Variants in PTCSC3 observed in about 807,000 individuals in gnomAD.
The protein encoded by PTCSC3 is papillary thyroid carcinoma susceptibility candidate 3 (non-protein coding).
At chr14:36,160,993 CT>C (rs200498375) in intron 2 of PTCSC3, among the ~76,000 whole-genome samples, 1,788 of 152,178 alleles carry the variant, frequency 0.012, 15 homozygotes, top group Middle Eastern at 0.017. Context: ...TCTGTGATAT[CT>C]TTCTTCCACT....
intron 2 of PTCSC3, among the ~76,000 whole-genome samples, chr14:36,158,866 G>A (rs1881885898): frequency 2.0e-5 from 3 of 152,170 alleles, no homozygotes; most frequent in Admixed American, 6.5e-5. Context: ...GAATTTGGCT[G>A]TGAATCCATC....
intron 3 of PTCSC3, among the ~76,000 whole-genome samples, chr14:36,145,353 A>C (rs953812776): frequency 6.6e-6 from 1 of 151,484 alleles, no homozygotes; most frequent in Non-Finnish European, 1.5e-5. Flanking sequence ...TTATTGGTCT[A>C]TTCAGAGATT....
intron 2 of PTCSC3, among the ~76,000 whole-genome samples, chr14:36,162,288 C>G (rs1272116055): frequency 1.6e-5 from 2 of 125,100 alleles, no homozygotes; most frequent in Non-Finnish European, 3.3e-5. Context: ...AAAAAAAACT[C>G]CTGCAGCCAG....
intron 3 of PTCSC3, among the ~76,000 whole-genome samples, chr14:36,147,372 T>C: frequency 6.6e-6 from 1 of 152,178 alleles, no homozygotes; most frequent in Non-Finnish European, 1.5e-5. Flanking sequence ...CTTTTTATTC[T>C]TTTTTCTCTA....
At chr14:36,156,776 G>A (rs922797509) in intron 2 of PTCSC3, among the ~76,000 whole-genome samples, 9 of 152,138 alleles carry the variant, frequency 5.9e-5, no homozygotes, top group Non-Finnish European at 1.2e-4. Context: ...GTATTCCATG[G>A]TGTATATGTG....
intron 1 of PTCSC3, among the ~76,000 whole-genome samples, chr14:36,174,300 G>C (rs1345136410): frequency 6.6e-6 from 1 of 151,952 alleles, no homozygotes; most frequent in Non-Finnish European, 1.5e-5. Context: ...ATGTCTATTG[G>C]TTTGTATCTA....
At chr14:36,155,915 A>C (rs1881815896) in intron 2 of PTCSC3, among the ~76,000 whole-genome samples, 1 of 152,238 alleles carries the variant, frequency 6.6e-6, no homozygotes, top group Non-Finnish European at 1.5e-5. Flanking sequence ...TCATTCAATA[A>C]TATAGACTGG....
chr14:36,155,080 G>A (rs1356296354), intron 2 of PTCSC3, among the ~76,000 whole-genome samples: 1 of 152,036 alleles, frequency 6.6e-6, no homozygotes, highest in Non-Finnish European at 1.5e-5. Context: ...TCAGGAAAAA[G>A]GCACAACTTC....
At chr14:36,135,419 T>A (rs1323830784), downstream of PTCSC3, among the ~76,000 whole-genome samples, 1 of 152,196 alleles carries the variant, frequency 6.6e-6, no homozygotes. Flanking sequence ...ATTTGTTGAG[T>A]GGCCTTAGGC....
At chr14:36,141,333 C>T (rs1881415976) in intron 3 of PTCSC3, among the ~76,000 whole-genome samples, 1 of 152,086 alleles carries the variant, frequency 6.6e-6, no homozygotes, top group Admixed American at 6.6e-5. Flanking sequence ...GGATAACTGA[C>T]ATCTTGACAA....
At chr14:36,155,303 C>G (rs1444167844) in intron 2 of PTCSC3, among the ~76,000 whole-genome samples, 1 of 151,972 alleles carries the variant, frequency 6.6e-6, no homozygotes, top group Non-Finnish European at 1.5e-5. Context: ...GTCTTAATAA[C>G]AATTTTGAGG....
chr14:36,139,626 T>G (rs1392884662), intron 3 of PTCSC3, among the ~76,000 whole-genome samples: 2 of 152,182 alleles, frequency 1.3e-5, no homozygotes, highest in African/African-American at 2.4e-5. Context: ...TTATGGTCCT[T>G]AGTTTAGAAC....
intron 1 of PTCSC3, among the ~76,000 whole-genome samples, chr14:36,171,368 C>T (rs1021737665): frequency 1.3e-5 from 2 of 152,052 alleles, no homozygotes; most frequent in Non-Finnish European, 2.9e-5. Context: ...TCCTACTTTT[C>T]AGCAGTGGCA....
At chr14:36,151,798 A>G (rs1481950081) in intron 3 of PTCSC3, among the ~76,000 whole-genome samples, 1 of 152,172 alleles carries the variant, frequency 6.6e-6, no homozygotes, top group Non-Finnish European at 1.5e-5. Flanking sequence ...CAGAATGAAG[A>G]CCAGAATGCT....
At chr14:36,165,775 A>G (rs960328923) in intron 1 of PTCSC3, among the ~76,000 whole-genome samples, 2 of 139,314 alleles carry the variant, frequency 1.4e-5, no homozygotes, top group African/African-American at 5.4e-5. Context: ...TATCTGCTTC[A>G]GGACGATAAT....
At chr14:36,163,749 G>A (rs1429723127) in intron 1 of PTCSC3, among the ~76,000 whole-genome samples, 1 of 152,086 alleles carries the variant, frequency 6.6e-6, no homozygotes, top group African/African-American at 2.4e-5. Context: ...AAATAGAACG[G>A]CACGAATCCT....
At chr14:36,142,772 G>A (rs1881455234) in intron 3 of PTCSC3, among the ~76,000 whole-genome samples, 1 of 149,308 alleles carries the variant, frequency 6.7e-6, no homozygotes, top group African/African-American at 2.5e-5. Flanking sequence ...TCATCATCTA[G>A]CATTAGGTAT....
chr14:36,152,040 CTTG>C (rs201656840), intron 3 of PTCSC3, among the ~76,000 whole-genome samples: 2,778 of 148,118 alleles, frequency 0.019, 92 homozygotes, highest in African/African-American at 0.066. Context: ...TTTCAGCCCT[CTTG>C]TTGTGAGGAC....
rs541807544 is a variant in PTCSC3 at position 36,170,468 on chromosome 14, A to C, written n.171+5830T>G. Among the ~76,000 whole-genome samples the C allele has an allele frequency of 7.9e-5, 12 of 152,126 alleles. No individual in the cohort carries two copies. The South Asian group carries it at 8.3e-4, about 10-fold the overall frequency. On this transcript the variant is annotated intron_variant and non_coding_transcript_variant, in intron 1 of 3. Coordinates refer to ENST00000556013, the Ensembl canonical transcript of PTCSC3. Reference sequence around the variant, plus strand: ...AAATATACCCTACTCCTACTGTACTATATACCATATTTTTTCACATGTTCT... The same window carrying C: ...AAATATACCCTACTCCTACTGTACTCTATACCATATTTTTTCACATGTTCT...
Sources: allele counts gnomAD v4.1 joint callset (sites outside exome capture counted in the v4.1 genomes callset), GRCh38; gene constraint gnomAD v4.1.1; transcripts MANE v1.5; gene names NCBI Gene and HGNC (gene_info 2026-07-23, HGNC 2026-07-21).